SYNE1: variants seen among roughly 807,000 people sequenced by gnomAD.
SYNE1 encodes spectrin repeat containing nuclear envelope protein 1.
In SYNE1, 616 loss-of-function variants were observed where a neutral mutation model predicts 1,111.0. The ratio of observed to expected loss-of-function variants is 0.55; its 90% confidence interval spans 0.52 to 0.59. The LOEUF (loss-of-function observed/expected upper bound fraction) is 0.59, where lower values mean the gene tolerates loss of function less well. Among genes scored for constraint, SYNE1 ranks in the 20% least tolerant of loss-of-function variants. The pLI is 0.00. For synonymous variants in SYNE1, 3,855 were observed against 3,825.8 expected, an observed-to-expected ratio of 1.01 and a Z score of -0.28; for missense variants, 10,006 against 10,417.0, an observed-to-expected ratio of 0.96 and a Z score of 1.72.
chr6:152,453,761 C>T (rs773918187), intron 24 of SYNE1, 41 bp from the exon 25 acceptor site: 47 of 1,613,642 alleles, frequency 2.9e-5, no homozygotes, highest in South Asian at 6.6e-5. Context: ...GTTGGACAGA[C>T]GAAAAGGCAG....
intron 117 of SYNE1, among the ~76,000 whole-genome samples, chr6:152,223,551 G>A (rs2153474703): frequency 6.6e-6 from 1 of 152,216 alleles, no homozygotes; most frequent in Middle Eastern, 3.4e-3. Flanking sequence ...CCGGGAGGCG[G>A]AGGTTGCAGT....
At position 152,176,477 on chromosome 6, in the gene SYNE1, A is replaced by G. The variant is rs947028180; in HGVS notation, c.23544T>C (p.His7848=). The change falls in exon 130 of 146, where the codon CAT becomes CAC. Residue 7848 remains histidine, a synonymous_variant. Transcript: ENST00000367255. ...QMGERLAKAS[H]ESKASEIEYK... ...ATTCAATCTCAGATGCTTTGCTTTC[A>G]TGGCTGGCTTTAGCAAGTCGTTCTC... The G allele has an allele frequency of 1.2e-6, 2 of 1,614,032 alleles. No individual in the cohort carries two copies. The highest frequency in any genetic ancestry group is 1.3e-5 in the African/African-American group (1 of 74,914).
In SYNE1 at chr6:152,586,636, A is replaced by G. The variant is rs140183032; in HGVS notation, c.67+41629T>C. Among the ~76,000 whole-genome samples the G allele has an allele frequency of 3.9e-3, 536 of 137,780 alleles. 4 individuals carry two copies. The highest frequency in any genetic ancestry group is 0.014 in the African/African-American group (511 of 37,616). The allele number at this position is 137,780 out of a possible 152,430, so 90.4% of individuals were successfully genotyped here. On this transcript the variant is annotated intron_variant, in intron 3 of 145. Coordinates refer to ENST00000367255, the MANE Select transcript of SYNE1 (RefSeq NM_182961.4). ...TTAAAACTTAGCACTGATGCTGGCT[A>G]TATACAAACATACTCTCATACACAC...
At chr6:152,155,308 A>C in intron 132 of SYNE1, 1 of 446,072 alleles carries the variant, frequency 2.2e-6, no homozygotes, top group Non-Finnish European at 4.1e-6. Flanking sequence ...AGCACATCAC[A>C]CGAGCTGCCT....
chr6:152,130,695 T>G (rs1373658494), intron 145 of SYNE1, 25 bp downstream of exon 145: 6 of 1,613,468 alleles, frequency 3.7e-6, no homozygotes, highest in African/African-American at 1.3e-5. Context: ...TCTAGAACAG[T>G]GTGGAAACCA....
intron 18 of SYNE1, chr6:152,465,029 A>G (rs2098756104): frequency 1.8e-6 from 1 of 568,160 alleles, no homozygotes; most frequent in Non-Finnish European, 3.2e-6. Context: ...AGGGTAATAT[A>G]GTGCCCTCCC....
chr6:152,211,652 T>C, intron 123 of SYNE1, 64 bp from the exon 124 acceptor site: 2 of 1,413,724 alleles, frequency 1.4e-6, no homozygotes, highest in Non-Finnish European at 2.0e-6. Context: ...GGTTCTCTGA[T>C]AACTTTCCAA....
chr6:152,147,833 A>T (rs1014424110), intron 137 of SYNE1: 103 of 569,408 alleles, frequency 1.8e-4, no homozygotes, highest in Non-Finnish European at 9.4e-5. Context: ...AGCGCTTGTC[A>T]CCTACTACCA....
At chr6:152,237,729 T>G (rs1424525721) in intron 108 of SYNE1, among the ~76,000 whole-genome samples, 1 of 152,240 alleles carries the variant, frequency 6.6e-6, no homozygotes, top group East Asian at 1.9e-4. Context: ...ATGAAACATA[T>G]CTATAAATAT....
intron 4 of SYNE1, among the ~76,000 whole-genome samples, chr6:152,538,172 T>C (rs895702672): frequency 6.6e-6 from 1 of 152,178 alleles, no homozygotes; most frequent in African/African-American, 2.4e-5. Flanking sequence ...TAATTGTGCA[T>C]AGCTGTTGAC....
At chr6:152,500,240 C>G (rs1442664343) in intron 10 of SYNE1, among the ~76,000 whole-genome samples, 1 of 152,174 alleles carries the variant, frequency 6.6e-6, no homozygotes, top group Non-Finnish European at 1.5e-5. Flanking sequence ...GTTTCTTATT[C>G]ACACAGCAAT....
chr6:152,508,902 A>G (rs2099071214), intron 8 of SYNE1, among the ~76,000 whole-genome samples: 1 of 152,216 alleles, frequency 6.6e-6, no homozygotes, highest in African/African-American at 2.4e-5. Flanking sequence ...TAGCAACACT[A>G]ATTACATCCT....
rs886043077 is a variant in SYNE1, at chr6:152,505,323, G to A, written c.656C>T (p.Ala219Val). 1.2e-6 allele frequency: 2 copies of A among 1,613,986 alleles called. No homozygotes were observed. The highest frequency in any genetic ancestry group is 2.2e-5 in the South Asian group (2 of 91,064). Residue 219 changes from alanine to valine, a missense_variant, in exon 9 of 146, where the codon GCC (alanine) becomes GTC (valine). By Grantham distance (64) the Ala-to-Val change is moderately conservative. This residue lies in a region of SYNE1 where 1,971 missense variants were observed against 2,084.1 expected (regional missense o/e 0.95). Coordinates refer to ENST00000367255, the MANE Select transcript of SYNE1 (RefSeq NM_182961.4). The stretch of plus-strand genomic sequence containing the variant: ...CAAGTCCACCAATTCCGGTCGAATG[G>A]CATGAATAACTGAATGAAAGGCAAC... ...SGVAFHSVIHAIRPELVDLET... is the reference protein window; with the variant it reads ...SGVAFHSVIHVIRPELVDLET...
At chr6:152,361,990 A>G (rs913861497) in intron 64 of SYNE1, among the ~76,000 whole-genome samples, 180 bp downstream of exon 64, 4 of 152,236 alleles carry the variant, frequency 2.6e-5, no homozygotes, top group Admixed American at 2.0e-4. Flanking sequence ...TTCACTCACT[A>G]ATAAAGTAAT....
intron 130 of SYNE1, among the ~76,000 whole-genome samples, chr6:152,167,253 T>C (rs929395311): frequency 6.6e-6 from 1 of 152,190 alleles, no homozygotes; most frequent in Non-Finnish European, 1.5e-5. Context: ...TAAATATGTA[T>C]ATACGTACTT....
chr6:152,433,089 CAA>C (rs112182133), intron 34 of SYNE1, among the ~76,000 whole-genome samples: 5 of 120,578 alleles, frequency 4.1e-5, no homozygotes, highest in East Asian at 2.4e-4. Flanking sequence ...TTTCCCATTC[CAA>C]AAAAAAAAAA....
intron 51 of SYNE1, among the ~76,000 whole-genome samples, chr6:152,393,382 A>G (rs2097677963): frequency 6.6e-6 from 1 of 152,134 alleles, no homozygotes; most frequent in Non-Finnish European, 1.5e-5. Flanking sequence ...TGGGTGTGTT[A>G]TATTGTATCT....
At chr6:152,142,789 T>C (rs1254589483) in intron 138 of SYNE1, among the ~76,000 whole-genome samples, 1 of 152,244 alleles carries the variant, frequency 6.6e-6, no homozygotes, top group African/African-American at 2.4e-5. Context: ...TCTTCTGTAA[T>C]TATAAGGATA....
rs1329412054 is a variant in SYNE1, at chr6:152,324,614, G to A, written c.15657+470C>T. Among the ~76,000 whole-genome samples, 5 of 152,130 alleles carry A rather than the reference G, an allele frequency of 3.3e-5. No individual in the cohort carries two copies. The Middle Eastern group carries it at 0.01, about 317-fold the overall frequency. On this transcript the variant is annotated intron_variant, in intron 81 of 145. Transcript: ENST00000367255. ...TTGAGAACATCCTGGCTAACGAGGTGAAACCTCGTCTCTAATAAAAATACA... is the reference window on the plus strand; with the variant it reads ...TTGAGAACATCCTGGCTAACGAGGTAAAACCTCGTCTCTAATAAAAATACA...
Sources: gnomAD v4.1 joint callset for allele counts (sites outside exome capture counted in the v4.1 genomes callset) on GRCh38, gnomAD v4.1.1 for gene constraint, gnomAD v4.1.1 regional missense constraint, MANE v1.5 for transcripts, NCBI Gene and HGNC (gene_info 2026-07-23, HGNC 2026-07-21) for gene names.